Variants in CBL observed in about 807,000 individuals in gnomAD.
CBL encodes the protein E3 ubiquitin-protein ligase CBL.
A neutral mutation model predicts 96.9 loss-of-function variants in CBL; 45 were observed. The ratio of observed to expected loss-of-function variants is 0.46; its 90% CI spans 0.37 to 0.60. The LOEUF (loss-of-function observed/expected upper bound fraction) is 0.60, where lower values mean the gene tolerates loss of function less well. Ranked by LOEUF, CBL falls within the 20% of genes least tolerant of loss-of-function variation. The pLI is 0.00. For missense variants in CBL, 1,024 were observed against 1,143.5 expected (o/e 0.90, Z 1.51); for synonymous variants, 420 against 426.8 (o/e 0.98, Z 0.20).
intron 15 of CBL, among the ~76,000 whole-genome samples, chr11:119,299,031 T>C (rs1439725683): frequency 6.6e-6 from 1 of 152,232 alleles, no homozygotes; most frequent in Non-Finnish European, 1.5e-5. Context: ...AAGACAGCCT[T>C]CAGGACAGAC....
intron 2 of CBL, among the ~76,000 whole-genome samples, chr11:119,254,678 G>A (rs1019049605): frequency 6.6e-6 from 1 of 151,464 alleles, no homozygotes; most frequent in Non-Finnish European, 1.5e-5. Context: ...CTTGGCTCAC[G>A]GCAGCCTCCG....
At chr11:119,227,072 T>C (rs1220873235) in intron 1 of CBL, among the ~76,000 whole-genome samples, 2 of 152,222 alleles carry the variant, frequency 1.3e-5, no homozygotes, top group Non-Finnish European at 2.9e-5. Flanking sequence ...TTTATGATGG[T>C]GCAAAAGTGA....
chr11:119,253,169 G>T (rs1949683565), intron 2 of CBL, among the ~76,000 whole-genome samples: 1 of 152,014 alleles, frequency 6.6e-6, no homozygotes, highest in South Asian at 2.1e-4. Context: ...TCATTTCAAA[G>T]TATAAACGTT....
At chr11:119,274,716 AT>A (rs1345091441) in intron 4 of CBL, 115 bp from the exon 5 acceptor site, 20 of 950,998 alleles carry the variant, frequency 2.1e-5, no homozygotes, top group Admixed American at 1.9e-4. Context: ...TGATGGTATA[AT>A]TAAAAATTTC....
At chr11:119,236,020 T>C (rs1012005534) in intron 2 of CBL, among the ~76,000 whole-genome samples, 1 of 152,200 alleles carries the variant, frequency 6.6e-6, no homozygotes, top group African/African-American at 2.4e-5. Flanking sequence ...GTGGTCTTTT[T>C]GATTACTTAG....
chr11:119,213,819 G>A (rs1410643759), intron 1 of CBL, among the ~76,000 whole-genome samples: 2 of 151,972 alleles, frequency 1.3e-5, no homozygotes, highest in Admixed American at 6.6e-5. Flanking sequence ...CCTTCCTCCC[G>A]CTTTGGCCTT....
At chr11:119,219,939 T>G (rs369553080) in intron 1 of CBL, among the ~76,000 whole-genome samples, 6 of 148,328 alleles carry the variant, frequency 4.0e-5, no homozygotes, top group Non-Finnish European at 5.9e-5. Context: ...AACCTCCGCC[T>G]CCCGGGTTCA....
rs1250118274 is a variant in CBL at position 119,305,732 on chromosome 11, G to C, written c.*5951G>C. ...TTCTCTGGCAATTGCTTTCATTTTA[G>C]TCCTATATAAAAGCTTTCCTTTTCT... On this transcript the variant is annotated 3_prime_UTR_variant, in exon 16 of 16. Coordinates refer to ENST00000264033, the MANE Select transcript of CBL (RefSeq NM_005188.4). 4.4e-6 allele frequency: 1 copy of C among 225,958 alleles called. No individual in the cohort carries two copies. Among genetic ancestry groups the C allele is most frequent in the African/African-American group, 2.2e-5 (1 of 44,820 alleles). 14.0% of individuals were successfully genotyped at this position (225,958 alleles called of 1,614,324 possible).
In CBL at chr11:119,302,414, G is replaced by C; in HGVS notation, c.*2633G>C. 2 of 232,874 alleles carry C rather than the reference G, an allele frequency of 8.6e-6. No homozygotes were observed. Among genetic ancestry groups the C allele is most frequent in the East Asian group, 1.2e-4 (2 of 16,540 alleles). 14.4% of individuals were successfully genotyped at this position (232,874 alleles called of 1,614,324 possible). A position where few individuals can be genotyped will look rare whatever the true frequency, so the allele number is the denominator to read the frequency against. On this transcript the variant is annotated 3_prime_UTR_variant, in exon 16 of 16. Coordinates refer to ENST00000264033, the MANE Select transcript of CBL (RefSeq NM_005188.4). ...CCCATTCTTCACCCTCCATTTGTAT[G>C]GCAATTTAAAAGTCTTTGGCTTTGC...
chr11:119,233,218 T>G (rs549207349), intron 2 of CBL, among the ~76,000 whole-genome samples: 1 of 152,196 alleles, frequency 6.6e-6, no homozygotes, highest in African/African-American at 2.4e-5. Flanking sequence ...TCAATAAATA[T>G]TTGAAGGATC....
intron 1 of CBL, among the ~76,000 whole-genome samples, chr11:119,226,602 T>G (rs1404167153): frequency 6.6e-6 from 1 of 151,910 alleles, no homozygotes; most frequent in Non-Finnish European, 1.5e-5. Flanking sequence ...GGACTCCAGG[T>G]GTGTGCCACC....
chr11:119,256,682 G>GT (rs1479748869), intron 2 of CBL, among the ~76,000 whole-genome samples: 37 of 141,808 alleles, frequency 2.6e-4, no homozygotes, highest in Non-Finnish European at 3.4e-4. Flanking sequence ...CCAGTATGTA[G>GT]TTTGTTTTTT....
chr11:119,285,487 C>T lies in CBL; in HGVS notation c.1862C>T (p.Pro621Leu), dbSNP rs1334315007. The T allele has an allele frequency of 1.2e-6, 2 of 1,614,188 alleles. No homozygotes were observed. The highest frequency in any genetic ancestry group is 4.5e-5 in the East Asian group (2 of 44,892). Residue 621 changes from proline to leucine, a missense_variant, in exon 11 of 16, where the codon CCA (proline) becomes CTA (leucine). Pro to Leu is a moderately conservative substitution (Grantham distance 98). Coordinates refer to ENST00000264033, the MANE Select transcript of CBL (RefSeq NM_005188.4). ...GAATTAACCAACCGGCACTCACTTC[C>T]ATTTTCATTGCCCTCACAAATGGAG... The part of the protein sequence containing the change: ...GRELTNRHSL[P>L]FSLPSQMEPR...
intron 3 of CBL, among the ~76,000 whole-genome samples, chr11:119,273,592 T>A (rs1190422245): frequency 6.6e-6 from 1 of 152,182 alleles, no homozygotes; most frequent in Non-Finnish European, 1.5e-5. Flanking sequence ...TGTTTGTTTG[T>A]TTTTGTAGAG....
Position 119,303,869 on chromosome 11 carries a change from C to T in CBL, c.*4088C>T, listed in dbSNP as rs140837295. On this transcript the variant is annotated 3_prime_UTR_variant, in exon 16 of 16. Transcript: ENST00000264033. Reference sequence around the variant, plus strand: ...CCTGAGCTGCTACGTCCCTAATCCCCCTTGTTGGGAGGATTTTCGTATCAC... The same window carrying T: ...CCTGAGCTGCTACGTCCCTAATCCCTCTTGTTGGGAGGATTTTCGTATCAC... The T allele has an allele frequency of 5.5e-3, 1,282 of 233,668 alleles. 15 individuals carry two copies. Among genetic ancestry groups the T allele is most frequent in the African/African-American group, 0.022 (984 of 45,430 alleles). 14.5% of individuals were successfully genotyped at this position (233,668 alleles called of 1,614,324 possible). A position where few individuals can be genotyped will look rare whatever the true frequency, so the allele number is the denominator to read the frequency against.
At chr11:119,272,065 T>G (rs2135297306) in intron 3 of CBL, among the ~76,000 whole-genome samples, 184 bp downstream of exon 3, 1 of 152,308 alleles carries the variant, frequency 6.6e-6, no homozygotes, top group East Asian at 1.9e-4. Context: ...AAAAAATAGT[T>G]TTGCAGATTA....
intron 1 of CBL, among the ~76,000 whole-genome samples, chr11:119,219,376 C>CAAAAAAAAA (rs112712991): frequency 8.0e-6 from 1 of 124,272 alleles, no homozygotes; most frequent in African/African-American, 3.1e-5. Flanking sequence ...GACTCTGTCT[C>CAAAAAAAAA]AAAAAAAAAA....
At chr11:119,278,090 C>T (rs900760127) in intron 7 of CBL, 76 bp from the exon 8 acceptor site, 99 of 1,257,198 alleles carry the variant, frequency 7.9e-5, no homozygotes, top group Admixed American at 4.0e-5. Context: ...GGAAACAAGT[C>T]TTCACTTTTT....
intron 1 of CBL, among the ~76,000 whole-genome samples, chr11:119,222,135 A>C (rs1949416758): frequency 6.6e-6 from 1 of 150,830 alleles, no homozygotes; most frequent in South Asian, 2.1e-4. Flanking sequence ...TGAAAATGAG[A>C]AATGCTTGTA....
Sources: gnomAD v4.1 joint callset for allele counts (sites outside exome capture counted in the v4.1 genomes callset) on GRCh38, gnomAD v4.1.1 for gene constraint, MANE v1.5 for transcripts, NCBI Gene and HGNC (gene_info 2026-07-23, HGNC 2026-07-21) for gene names.